Variants in SPATA6 observed in about 807,000 individuals in gnomAD.
SPATA6 encodes the protein spermatogenesis-associated protein 6.
In SPATA6, 56 loss-of-function variants were observed where a neutral mutation model predicts 65.3. The ratio of observed to expected loss-of-function variants is 0.86; its 90% CI spans 0.69 to 1.07. SPATA6 has a LOEUF of 1.07. SPATA6 is among the 50% of genes least tolerant of loss of function. The pLI is 0.00. For missense variants in SPATA6, 590 were observed against 594.8 expected, an observed-to-expected ratio of 0.99 and a Z score of 0.08; for synonymous variants, 199 against 213.2, an observed-to-expected ratio of 0.93 and a Z score of 0.58.
chr1:48,292,657 G>C (rs1644775657), downstream of SPATA6, among the ~76,000 whole-genome samples: 1 of 152,268 alleles, frequency 6.6e-6, no homozygotes, highest in African/African-American at 2.4e-5. Flanking sequence ...GGCTGCAACA[G>C]CCAAAGCCAA....
chr1:48,366,710 C>T (rs761141819), intron 9 of SPATA6, among the ~76,000 whole-genome samples: 3 of 151,984 alleles, frequency 2.0e-5, no homozygotes, highest in Non-Finnish European at 2.9e-5. Context: ...ATGTTGCTAG[C>T]GGTCTATCAA....
At chr1:48,434,332 A>T (rs1654689461) in intron 3 of SPATA6, among the ~76,000 whole-genome samples, 1 of 151,776 alleles carries the variant, frequency 6.6e-6, no homozygotes, top group East Asian at 2.0e-4. Context: ...TAAAAAATTT[A>T]AAAATAAATA....
the SPATA6 span, among the ~76,000 whole-genome samples, chr1:48,283,816 T>A: frequency 1.3e-5 from 2 of 152,114 alleles, no homozygotes; most frequent in African/African-American, 4.8e-5. Context: ...TCTGATGGGC[T>A]TCCCTTTGTG....
intron 3 of SPATA6, among the ~76,000 whole-genome samples, chr1:48,421,296 A>G (rs982602814): frequency 1.6e-5 from 2 of 126,106 alleles, no homozygotes; most frequent in Admixed American, 7.8e-5. Context: ...TTAAAATTTC[A>G]TATGATGCCC....
At chr1:48,324,045 G>A (rs572932624) in intron 11 of SPATA6, among the ~76,000 whole-genome samples, 1 of 152,084 alleles carries the variant, frequency 6.6e-6, no homozygotes, top group Non-Finnish European at 1.5e-5. Context: ...GACTGCCAGG[G>A]CTCAAGCAAT....
At chr1:48,347,954 C>G (rs546798931) in intron 11 of SPATA6, among the ~76,000 whole-genome samples, 1 of 151,950 alleles carries the variant, frequency 6.6e-6, no homozygotes, top group Non-Finnish European at 1.5e-5. Flanking sequence ...TTTCCAGCCC[C>G]CTGACCACCA....
the SPATA6 span, among the ~76,000 whole-genome samples, chr1:48,286,988 G>A: frequency 2.7e-5 from 4 of 148,582 alleles, no homozygotes; most frequent in Non-Finnish European, 5.9e-5. Context: ...GCAGTGAGCC[G>A]AGATCACGCC....
the SPATA6 span, among the ~76,000 whole-genome samples, chr1:48,277,372 G>A: frequency 6.6e-6 from 1 of 152,234 alleles, no homozygotes; most frequent in Admixed American, 6.5e-5. Context: ...AAAGCAGGGC[G>A]AGGCATTGCC....
rs576762185 is a variant in SPATA6 at position 48,368,588 on chromosome 1, G to A, written c.910-8818C>T. Among the ~76,000 whole-genome samples, 44 of 151,980 alleles carry A rather than the reference G, an allele frequency of 2.9e-4. No individual in the cohort carries two copies. The South Asian group carries it at 3.5e-3, about 12-fold the overall frequency. ...ACCCTTTCTTCCAGTTGATCACATC[G>A]GCTCCTGAGGCTTCTGCATTCTTCA... On this transcript the variant is annotated intron_variant, in intron 9 of 12. Coordinates refer to ENST00000371847, the MANE Select transcript of SPATA6 (RefSeq NM_019073.4).
At chr1:48,299,459 A>T (rs1644878645) in intron 12 of SPATA6, among the ~76,000 whole-genome samples, 1 of 141,246 alleles carries the variant, frequency 7.1e-6, no homozygotes, top group South Asian at 2.4e-4. Flanking sequence ...GGTTGCAGTG[A>T]GCTGAGATCA....
At chr1:48,291,029 A>G (rs962059459), downstream of SPATA6, among the ~76,000 whole-genome samples, 8 of 152,184 alleles carry the variant, frequency 5.3e-5, no homozygotes, top group Non-Finnish European at 1.2e-4. Flanking sequence ...TCCACCCCAA[A>G]TCAACAGAAT....
chr1:48,311,643 G>A (rs1358154875), intron 11 of SPATA6, among the ~76,000 whole-genome samples: 4 of 152,170 alleles, frequency 2.6e-5, no homozygotes, highest in Non-Finnish European at 4.4e-5. Flanking sequence ...CAACGTGAGC[G>A]ACACAGAAGA....
At chr1:48,348,674 T>C (rs1410171530) in intron 11 of SPATA6, among the ~76,000 whole-genome samples, 3 of 152,050 alleles carry the variant, frequency 2.0e-5, no homozygotes, top group Admixed American at 1.3e-4. Flanking sequence ...CTCACTGCTA[T>C]TGTCACTGCT....
At chr1:48,437,376 C>T (rs1655035145) in intron 3 of SPATA6, among the ~76,000 whole-genome samples, 1 of 152,176 alleles carries the variant, frequency 6.6e-6, no homozygotes, top group Non-Finnish European at 1.5e-5. Context: ...TTCAAAGGGG[C>T]ACCAGTTTGT....
intron 3 of SPATA6, among the ~76,000 whole-genome samples, chr1:48,419,380 A>G (rs1653106680): frequency 6.6e-6 from 1 of 152,252 alleles, no homozygotes; most frequent in Non-Finnish European, 1.5e-5. Flanking sequence ...GAGGAGTAGA[A>G]TAAAGAAATA....
intron 9 of SPATA6, among the ~76,000 whole-genome samples, chr1:48,360,759 T>C (rs1049324517): frequency 6.6e-6 from 1 of 152,186 alleles, no homozygotes; most frequent in African/African-American, 2.4e-5. Context: ...GGAAATCAGC[T>C]AGGAACCTAT....
intron 3 of SPATA6, among the ~76,000 whole-genome samples, chr1:48,438,504 C>T (rs955276884): frequency 2.1e-4 from 32 of 152,270 alleles, no homozygotes; most frequent in African/African-American, 7.0e-4. Flanking sequence ...AACCAGCTTC[C>T]GCTTTTCCTG....
chr1:48,288,547 C>CA, the SPATA6 span, among the ~76,000 whole-genome samples: 1 of 152,182 alleles, frequency 6.6e-6, no homozygotes, highest in East Asian at 1.9e-4. Flanking sequence ...CAGGACAAGG[C>CA]ATCACCTCAC....
At chr1:48,409,207 C>A (rs1384313708) in intron 5 of SPATA6, among the ~76,000 whole-genome samples, 1 of 152,212 alleles carries the variant, frequency 6.6e-6, no homozygotes, top group Admixed American at 6.5e-5. Context: ...GAGAAATTGA[C>A]CAAAACAAAG....
Sources: gnomAD v4.1 joint callset for allele counts (sites outside exome capture counted in the v4.1 genomes callset) on GRCh38, gnomAD v4.1.1 for gene constraint, MANE v1.5 for transcripts, NCBI Gene and HGNC (gene_info 2026-07-23, HGNC 2026-07-21) for gene names.